Variants in ANKRD33B observed in about 807,000 individuals in gnomAD.
The protein encoded by ANKRD33B is ankyrin repeat domain-containing protein 33B.
A neutral mutation model predicts 21.5 loss-of-function variants in ANKRD33B; 6 were observed. The observed-to-expected ratio is 0.28, with a 90% CI of 0.15 to 0.55. ANKRD33B has a LOEUF of 0.55. ANKRD33B is among the 20% of genes least tolerant of loss of function. The probability of loss-of-function intolerance (pLI) is 0.94; values close to 1 mark genes in which losing one functional copy is unlikely to be tolerated. For synonymous variants in ANKRD33B, 347 were observed against 342.4 expected, an observed-to-expected ratio of 1.01 and a Z score of -0.15; for missense variants, 698 against 747.2, an observed-to-expected ratio of 0.93 and a Z score of 0.77.
chr5:10,574,851 G>A (rs1327050751), intron 1 of ANKRD33B, among the ~76,000 whole-genome samples: 2 of 57,394 alleles, frequency 3.5e-5, no homozygotes, highest in Non-Finnish European at 1.0e-4. Context: ...AGGCTGAAGC[G>A]GGAGAGCTGC....
intron 2 of ANKRD33B, among the ~76,000 whole-genome samples, chr5:10,621,920 TG>T (rs1055616663): frequency 2.0e-5 from 3 of 152,090 alleles, no homozygotes; most frequent in African/African-American, 7.2e-5. Flanking sequence ...GCCACCATGA[TG>T]GGATTAGTGT....
In ANKRD33B at chr5:10,619,339, T is replaced by C; in HGVS notation, c.496+877T>C. On this transcript the variant is annotated intron_variant, in intron 2 of 3. Coordinates refer to ENST00000296657, the MANE Select transcript of ANKRD33B (RefSeq NM_001164440.2). The surrounding 1 kb of genome is among the most constrained non-coding windows in gnomAD (Gnocchi z 4.5). ...GTTGTCGGGTTGTTGAGAATCCCAC[T>C]CAGGGCCTGGAAACTGGAGGAAGTG... is the stretch of plus-strand genomic sequence containing the variant. The C allele has an allele frequency of 1.0e-6, 1 of 985,404 alleles. No homozygotes were observed. Among genetic ancestry groups the C allele is most frequent in the Non-Finnish European group, 1.2e-6 (1 of 829,924 alleles). The allele number at this position is 985,404 out of a possible 1,614,324, so 61.0% of individuals were successfully genotyped here.
At chr5:10,609,410 G>T (rs987064173) in intron 1 of ANKRD33B, among the ~76,000 whole-genome samples, 1 of 152,056 alleles carries the variant, frequency 6.6e-6, no homozygotes, top group Non-Finnish European at 1.5e-5. Flanking sequence ...AAATTAGCTG[G>T]ATGTGGTGGT....
intron 1 of ANKRD33B, 110 bp from the exon 2 acceptor site, chr5:10,618,223 T>C: frequency 7.1e-7 from 1 of 1,409,860 alleles, no homozygotes; most frequent in Non-Finnish European, 9.5e-7. Context: ...GTCCCTGTCA[T>C]TGCCTTGTCC....
rs530285673 is a variant in ANKRD33B, at chr5:10,622,957, A to T, written c.496+4495A>T. ...AAGGAAAGGGCTCCAGCTGATTTCC[A>T]TCCAGGCTCAGTGCCCAGCAGCCTG... is the stretch of plus-strand genomic sequence containing the variant. On this transcript the variant is annotated intron_variant, in intron 2 of 3. Coordinates refer to ENST00000296657, the MANE Select transcript of ANKRD33B (RefSeq NM_001164440.2). Among the ~76,000 whole-genome samples the T allele has an allele frequency of 9.9e-5, 15 of 152,256 alleles. No homozygotes were observed. In the East Asian group the frequency reaches 2.9e-3, roughly 29 times the overall value.
chr5:10,579,089 A>G (rs1259912104), intron 1 of ANKRD33B, among the ~76,000 whole-genome samples: 2 of 151,408 alleles, frequency 1.3e-5, no homozygotes, highest in Non-Finnish European at 2.9e-5. Context: ...ATCTGAGCCC[A>G]GGAAGTCAAG....
intron 1 of ANKRD33B, among the ~76,000 whole-genome samples, chr5:10,609,492 C>A (rs1736119318): frequency 6.6e-6 from 1 of 152,150 alleles, no homozygotes; most frequent in Admixed American, 6.5e-5. Flanking sequence ...GCGAAGGCTG[C>A]AGTGAGCCGT....
At chr5:10,637,808 A>G (rs569039565) in intron 2 of ANKRD33B, among the ~76,000 whole-genome samples, 2 of 152,052 alleles carry the variant, frequency 1.3e-5, no homozygotes, top group South Asian at 4.2e-4. Context: ...ACCTGCAAGA[A>G]CCCAAAACAG....
At position 10,615,840 on chromosome 5, in the gene ANKRD33B, G is replaced by A. The variant is rs188582112; in HGVS notation, c.367-2493G>A. On this transcript the variant is annotated intron_variant, in intron 1 of 3. Coordinates refer to ENST00000296657, the MANE Select transcript of ANKRD33B (RefSeq NM_001164440.2). ...TGGGTGCTCCCTGGTGGGATGACAA[G>A]TTTTCCGGCACATTTATGCGAAAGC... 4.9e-4 allele frequency among the ~76,000 whole-genome samples: 74 copies of A among 152,300 alleles called. 1 individual carries two copies. Among genetic ancestry groups the A allele is most frequent in the Admixed American group, 2.6e-3 (39 of 15,292 alleles).
intron 1 of ANKRD33B, among the ~76,000 whole-genome samples, chr5:10,584,274 G>A (rs976603829): frequency 6.6e-6 from 1 of 152,142 alleles, no homozygotes; most frequent in Non-Finnish European, 1.5e-5. Flanking sequence ...AGCTGGGGGC[G>A]GTGGCTTATG....
intron 3 of ANKRD33B, among the ~76,000 whole-genome samples, chr5:10,643,619 C>T (rs1251661403): frequency 1.3e-5 from 2 of 151,446 alleles, no homozygotes; most frequent in East Asian, 3.9e-4. Flanking sequence ...AGTTCGAGAC[C>T]AGCCTGGCCA....
At chr5:10,617,762 G>C (rs1736319501) in intron 1 of ANKRD33B, among the ~76,000 whole-genome samples, 1 of 152,202 alleles carries the variant, frequency 6.6e-6, no homozygotes, top group Non-Finnish European at 1.5e-5. Flanking sequence ...CACTCACTCT[G>C]CTCTAGCCCT....
At chr5:10,620,315 T>C (rs750355100) in intron 2 of ANKRD33B, among the ~76,000 whole-genome samples, 2 of 151,998 alleles carry the variant, frequency 1.3e-5, no homozygotes, top group Non-Finnish European at 1.5e-5. Context: ...GCAAAGGGCA[T>C]ATAAGTAAAA....
At position 10,638,175 on chromosome 5, in the gene ANKRD33B, C is replaced by T. The variant is rs1161586373; in HGVS notation, c.637+7C>T. 2.0e-6 allele frequency: 3 copies of T among 1,537,260 alleles called. No homozygotes were observed. In the East Asian group the frequency reaches 7.3e-5, roughly 37 times the overall value. ...CGAGCCCTGATGCTAGCAGGTATGTCCACCTGTCCTGTGCAGCTTCCAGGG... is the reference window on the plus strand; with the variant it reads ...CGAGCCCTGATGCTAGCAGGTATGTTCACCTGTCCTGTGCAGCTTCCAGGG... On this transcript the variant is annotated splice_region_variant and intron_variant, in intron 3 of 3. Transcript: ENST00000296657.
At position 10,576,121 on chromosome 5, in the gene ANKRD33B, T is replaced by C. The variant is rs1735316149; in HGVS notation, c.366+11288T>C. On this transcript the variant is annotated intron_variant, in intron 1 of 3. Coordinates refer to ENST00000296657, the MANE Select transcript of ANKRD33B (RefSeq NM_001164440.2). The surrounding 1 kb of genome is among the most constrained non-coding windows in gnomAD (Gnocchi z 4.1). ...ACCTTTGGGGAGGACAGGTGAAGGG[T>C]ACAAGTTCTTGTGGGGCTGTAACTA... 1.3e-5 allele frequency among the ~76,000 whole-genome samples: 2 copies of C among 152,184 alleles called. No homozygotes were observed. The highest frequency in any genetic ancestry group is 4.1e-4 in the South Asian group (2 of 4,830).
At chr5:10,595,092 T>C (rs1486371410) in intron 1 of ANKRD33B, among the ~76,000 whole-genome samples, 1 of 152,026 alleles carries the variant, frequency 6.6e-6, no homozygotes, top group South Asian at 2.1e-4. Flanking sequence ...CTCTAGCGAG[T>C]GTGCCCTGTG....
rs139308599 is a variant in ANKRD33B at position 10,586,205 on chromosome 5, A to ATAT, written c.366+21373_366+21375dup. On this transcript the variant is annotated intron_variant, in intron 1 of 3. Coordinates refer to ENST00000296657, the MANE Select transcript of ANKRD33B (RefSeq NM_001164440.2). ...CTCCCCCACCTATACCCAAATCTGC[A>ATAT]TATACTCAAGTCCCACAATCCGCTT... Among the ~76,000 whole-genome samples, 1,209 of 151,990 alleles carry ATAT rather than the reference A, an allele frequency of 8.0e-3. 20 individuals are homozygous for ATAT. Among genetic ancestry groups the ATAT allele is most frequent in the African/African-American group, 0.028 (1,159 of 41,426 alleles).
At chr5:10,566,469 A>G (rs1735062358) in intron 1 of ANKRD33B, among the ~76,000 whole-genome samples, 2 of 152,334 alleles carry the variant, frequency 1.3e-5, no homozygotes, top group East Asian at 1.9e-4. Context: ...CACCAAGCTC[A>G]TAAAGGAACA....
At chr5:10,640,235 A>G (rs780643174) in intron 3 of ANKRD33B, among the ~76,000 whole-genome samples, 2 of 152,264 alleles carry the variant, frequency 1.3e-5, no homozygotes, top group African/African-American at 2.4e-5. Flanking sequence ...TCCGTTTTCT[A>G]TGCTGTGTCA....
Sources: allele counts gnomAD v4.1 joint callset (sites outside exome capture counted in the v4.1 genomes callset), GRCh38; gene constraint gnomAD v4.1.1; non-coding constraint Gnocchi (gnomAD v3.1); transcripts MANE v1.5; gene names NCBI Gene and HGNC (gene_info 2026-07-23, HGNC 2026-07-21).